CDH17: variants seen among roughly 807,000 people sequenced by gnomAD.
The protein encoded by CDH17 is cadherin-17.
In CDH17, 67 loss-of-function variants were observed where a neutral mutation model predicts 86.3. The ratio of observed to expected loss-of-function variants is 0.78; its 90% CI spans 0.64 to 0.95. The LOEUF (loss-of-function observed/expected upper bound fraction) is 0.95. Among genes scored for constraint, CDH17 ranks in the 40% least tolerant of loss-of-function variants. CDH17 has a pLI of 0.00. For synonymous variants in CDH17, 367 were observed against 366.4 expected (o/e 1.00, Z -0.02); for missense variants, 993 against 1,017.6 (o/e 0.98, Z 0.33).
intron 1 of CDH17, chr8:94,202,763 T>C (rs1813944704): frequency 6.2e-6 from 1 of 160,276 alleles, no homozygotes; most frequent in Admixed American, 6.5e-5. Flanking sequence ...GAAGTTTAAA[T>C]AGCCAGGCAT....
At chr8:94,190,176 C>A (rs1285298736) in intron 2 of CDH17, among the ~76,000 whole-genome samples, 1 of 152,204 alleles carries the variant, frequency 6.6e-6, no homozygotes, top group Non-Finnish European at 1.5e-5. Flanking sequence ...GGTGATGACA[C>A]TAAGACCCAA....
At chr8:94,179,642 T>C (rs1178899885) in intron 3 of CDH17, among the ~76,000 whole-genome samples, 5 of 152,234 alleles carry the variant, frequency 3.3e-5, no homozygotes. Flanking sequence ...TTGAAGGTTG[T>C]GTCCCAACAT....
At chr8:94,204,886 G>A (rs1813995792) in intron 1 of CDH17, among the ~76,000 whole-genome samples, 1 of 152,198 alleles carries the variant, frequency 6.6e-6, no homozygotes, top group African/African-American at 2.4e-5. Flanking sequence ...TCACAGGAAA[G>A]GGAGCCACTG....
rs755202108 is a variant in CDH17 at position 94,165,781 on chromosome 8, G to A, written c.1262C>T (p.Thr421Met). 1.3e-5 allele frequency: 21 copies of A among 1,611,504 alleles called. No homozygotes were observed. The highest frequency in any genetic ancestry group is 1.2e-4 in the South Asian group (11 of 91,044). The change falls in exon 10 of 18, where the codon ACG becomes ATG. Residue 421 changes from threonine (T) to methionine (M), a missense_variant. Physicochemically the swap from Thr to Met is moderately conservative, Grantham distance 81. Transcript: ENST00000027335. ...KKQDTPQYNL[T>M]IEVSDKDFKT... is the part of the protein sequence containing the mutation. The stretch of plus-strand genomic sequence containing the variant: ...CTAACCTTTGTCAGACACCTCTATC[G>A]TTAAGTTGTACTGAGGAGTATCTTG...
chr8:94,197,698 G>T (rs375352207), intron 1 of CDH17, among the ~76,000 whole-genome samples: 3 of 152,164 alleles, frequency 2.0e-5, no homozygotes, highest in African/African-American at 7.2e-5. Context: ...AGAAGTGGCA[G>T]TAGGTGCCTG....
chr8:94,160,034 A>G lies in CDH17; in HGVS notation c.1488T>C (p.Ser496=), dbSNP rs756560517. Residue 496 remains serine, a synonymous_variant, in exon 12 of 18, where the codon AGT becomes AGC. Transcript: ENST00000027335. The part of the protein sequence containing the change: ...KILYHIIKGD[S]EGRLGVDTDP... The stretch of plus-strand genomic sequence containing the variant: ...CTGTGTCAACCCCCAGGCGTCCCTC[A>G]CTGTCTCCCTTTATGATATGATACA... 8.1e-6 allele frequency: 13 copies of G among 1,613,828 alleles called. No homozygotes were observed. The South Asian group carries it at 1.3e-4, about 16-fold the overall frequency.
At chr8:94,187,771 G>A (rs1213603619) in intron 3 of CDH17, among the ~76,000 whole-genome samples, 1 of 151,932 alleles carries the variant, frequency 6.6e-6, no homozygotes. Context: ...CTGGCAGAGG[G>A]CAGCCATCCC....
At position 94,194,628 on chromosome 8, in the gene CDH17, C is replaced by G; in HGVS notation, c.51+7G>C. On this transcript the variant is annotated splice_region_variant and intron_variant, in intron 2 of 17. Transcript: ENST00000027335. The stretch of plus-strand genomic sequence containing the variant: ...AACAAATAGAGAAGAACACCCTCTT[C>G]TCTTACCAAATAAAGCATAAGAAGA... The G allele has an allele frequency of 6.3e-7, 1 of 1,587,188 alleles. No homozygotes were observed. Among genetic ancestry groups the G allele is most frequent in the East Asian group, 2.2e-5 (1 of 44,672 alleles).
rs538987392 is a variant in CDH17, at chr8:94,138,173, A to G, written c.2168-7181T>C. On this transcript the variant is annotated intron_variant, in intron 15 of 17. Coordinates refer to ENST00000027335, the MANE Select transcript of CDH17 (RefSeq NM_004063.4). ...ATTCACACTTATGCCCTCCCTATTC[A>G]TATCTGCCAAGAAATTTTCCCAAAT... Among the ~76,000 whole-genome samples, 9 of 152,310 alleles carry G rather than the reference A, an allele frequency of 5.9e-5. No individual in the cohort carries two copies. In the South Asian group the frequency reaches 1.5e-3, roughly 25 times the overall value.
intron 15 of CDH17, among the ~76,000 whole-genome samples, chr8:94,139,263 T>C (rs547120305): frequency 1.1e-3 from 168 of 152,086 alleles, no homozygotes; most frequent in African/African-American, 3.9e-3. Flanking sequence ...GAAAAAACAG[T>C]AAACTTGAAG....
chr8:94,195,996 G>A (rs74407276), intron 1 of CDH17, among the ~76,000 whole-genome samples: 3 of 151,974 alleles, frequency 2.0e-5, no homozygotes, highest in Admixed American at 6.6e-5. Flanking sequence ...TCCCGACCTC[G>A]TGATCTGCCT....
intron 13 of CDH17, 104 bp downstream of exon 13, chr8:94,151,764 T>A: frequency 1.4e-6 from 2 of 1,440,558 alleles, no homozygotes; most frequent in Non-Finnish European, 1.9e-6. Flanking sequence ...TTGCTGGGTA[T>A]GCTGTGAGGG....
intron 15 of CDH17, among the ~76,000 whole-genome samples, chr8:94,142,899 T>C (rs899641274): frequency 6.6e-6 from 1 of 152,196 alleles, no homozygotes; most frequent in African/African-American, 2.4e-5. Flanking sequence ...CAGTGATTCC[T>C]CCACTGAAGT....
At chr8:94,181,155 A>C (rs533186501) in intron 3 of CDH17, among the ~76,000 whole-genome samples, 1 of 152,186 alleles carries the variant, frequency 6.6e-6, no homozygotes, top group Non-Finnish European at 1.5e-5. Context: ...AATTATAAAC[A>C]TATATGCACC....
intron 15 of CDH17, among the ~76,000 whole-genome samples, chr8:94,144,106 C>T (rs1812689072): frequency 1.3e-5 from 2 of 152,254 alleles, no homozygotes; most frequent in Admixed American, 6.5e-5. Context: ...TTCCTTTCAC[C>T]TGAACACTTA....
chr8:94,195,078 T>C (rs988938093), intron 1 of CDH17, among the ~76,000 whole-genome samples: 1 of 152,218 alleles, frequency 6.6e-6, no homozygotes, highest in African/African-American at 2.4e-5. Context: ...CTCATCTCAC[T>C]GCAACCTCCA....
At chr8:94,210,763 G>A (rs1366581224), upstream of CDH17, among the ~76,000 whole-genome samples, 1 of 152,188 alleles carries the variant, frequency 6.6e-6, no homozygotes, top group Non-Finnish European at 1.5e-5. Flanking sequence ...GCTCACACCT[G>A]TAATCCCAGC....
chr8:94,193,750 C>T (rs1426317417), intron 2 of CDH17, among the ~76,000 whole-genome samples: 2 of 152,268 alleles, frequency 1.3e-5, no homozygotes, highest in East Asian at 3.9e-4. Flanking sequence ...TCAGGCTTCT[C>T]ATAAAGTTTG....
chr8:94,189,316 T>C (rs560596636), intron 2 of CDH17, 31 bp from the exon 3 acceptor site: 1 of 1,467,914 alleles, frequency 6.8e-7, no homozygotes, highest in East Asian at 2.3e-5. Context: ...AATTAGCATC[T>C]TGTATGAAGT....
Sources: allele counts gnomAD v4.1 joint callset (sites outside exome capture counted in the v4.1 genomes callset), GRCh38; gene constraint gnomAD v4.1.1; transcripts MANE v1.5; gene names NCBI Gene and HGNC (gene_info 2026-07-23, HGNC 2026-07-21).